The following H3-7 variants were observed in gnomAD, a reference collection of about 807,000 sequenced individuals.
The protein encoded by H3-7 is H3.7 histone (putative).
At chr1:143,905,947 G>A in the H3-7 span, 3 of 1,580,100 alleles carry the variant, frequency 1.9e-6, no homozygotes, top group Non-Finnish European at 2.6e-6. Context: ...CTTGCGGGCA[G>A]TCTGCTTAGT....
At chr1:143,904,674 G>A in the H3-7 span, 8 of 1,486,294 alleles carry the variant, frequency 5.4e-6, no homozygotes, top group African/African-American at 6.9e-5. Context: ...CTGGTTATGC[G>A]CTACTTATAG....
At chr1:143,905,892 C>T in the H3-7 span, 17 of 1,580,096 alleles carry the variant, frequency 1.1e-5, 2 homozygotes, top group African/African-American at 1.2e-4. Context: ...TCTTGCGGGC[C>T]GCTTTGGTAG....
At chr1:143,904,437 G>C in the H3-7 span, 4 of 1,583,838 alleles carry the variant, frequency 2.5e-6, no homozygotes, top group East Asian at 2.3e-5. Context: ...GGTCTTGGAC[G>C]AGATGCCGGT....
the H3-7 span, chr1:143,905,792 T>C: frequency 7.6e-6 from 12 of 1,582,066 alleles, 1 homozygote; most frequent in African/African-American, 1.3e-5. Flanking sequence ...AGCAGCTCCG[T>C]AGACTTCTGA....
the H3-7 span, among the ~76,000 whole-genome samples, chr1:143,903,141 G>C: frequency 4.3e-5 from 6 of 140,764 alleles, 1 homozygote; most frequent in South Asian, 7.2e-4. Context: ...GCAGTGAGCC[G>C]AGATCCCGCC....
the H3-7 span, chr1:143,905,926 C>T: frequency 7.6e-6 from 12 of 1,580,100 alleles, no homozygotes; most frequent in East Asian, 2.3e-4. Flanking sequence ...CGGGGCCTTG[C>T]CGCCGGTCGA....
the H3-7 span, chr1:143,905,651 C>G: frequency 6.3e-7 from 1 of 1,582,948 alleles, no homozygotes; most frequent in Non-Finnish European, 8.7e-7. Flanking sequence ...TTCGTGTCTT[C>G]GAACAGCCCC....
the H3-7 span, chr1:143,905,648 C>A: frequency 6.3e-7 from 1 of 1,582,830 alleles, no homozygotes; most frequent in Admixed American, 1.7e-5. Context: ...AGGTTCGTGT[C>A]TTCGAACAGC....
At chr1:143,905,617 C>G in the H3-7 span, 1 of 1,582,652 alleles carries the variant, frequency 6.3e-7, no homozygotes, top group Non-Finnish European at 8.7e-7. Flanking sequence ...GATGGTCACG[C>G]GCTTGGCATG....
the H3-7 span, chr1:143,905,875 G>C: frequency 6.3e-7 from 1 of 1,580,570 alleles, no homozygotes; most frequent in East Asian, 2.3e-5. Flanking sequence ...GCCCGTGGCC[G>C]GCGCGCTCTT....
the H3-7 span, chr1:143,904,687 C>T: frequency 4.2e-6 from 6 of 1,431,342 alleles, no homozygotes; most frequent in Non-Finnish European, 5.8e-6. Context: ...ACTTATAGAG[C>T]CTGTATGCAA....
chr1:143,905,689 A>G, the H3-7 span: 6 of 1,582,854 alleles, frequency 3.8e-6, no homozygotes, highest in Admixed American at 1.7e-5. Flanking sequence ...GGCCTCCTGC[A>G]GCGCCATCAC....
At chr1:143,903,162 G>A in the H3-7 span, among the ~76,000 whole-genome samples, 4 of 141,274 alleles carry the variant, frequency 2.8e-5, no homozygotes, top group African/African-American at 7.8e-5. Context: ...AGTGCACTCC[G>A]GCCTGGGCGA....
At chr1:143,905,706 G>T in the H3-7 span, 2 of 1,582,548 alleles carry the variant, frequency 1.3e-6, no homozygotes. Context: ...TCACGGCCGA[G>T]CTCTGGAAGC....
chr1:143,905,534 A>C, the H3-7 span: 1 of 1,526,296 alleles, frequency 6.6e-7, no homozygotes, highest in Admixed American at 1.7e-5. Context: ...GAGCCTTTAG[A>C]TCGACCACTT....
the H3-7 span, chr1:143,904,583 G>T: frequency 2.5e-6 from 4 of 1,595,498 alleles, no homozygotes; most frequent in African/African-American, 2.7e-5. Flanking sequence ...GAGCAGGAGC[G>T]GATTTCGCTG....
the H3-7 span, chr1:143,904,434 G>A: frequency 6.3e-7 from 1 of 1,583,250 alleles, no homozygotes; most frequent in African/African-American, 1.3e-5. Flanking sequence ...CATGGTCTTG[G>A]ACGAGATGCC....
the H3-7 span, chr1:143,905,644 G>A: frequency 4.4e-6 from 7 of 1,582,754 alleles, no homozygotes; most frequent in East Asian, 2.3e-5. Flanking sequence ...GCACAGGTTC[G>A]TGTCTTCGAA....
the H3-7 span, chr1:143,904,379 C>T: frequency 4.4e-6 from 7 of 1,582,666 alleles, 1 homozygote; most frequent in South Asian, 2.3e-5. Flanking sequence ...ACGCCTCTCC[C>T]GCGATGCGCT....
Sources: allele counts gnomAD v4.1 joint callset (sites outside exome capture counted in the v4.1 genomes callset), GRCh38; gene constraint gnomAD v4.1.1; transcripts MANE v1.5; gene names NCBI Gene and HGNC (gene_info 2026-07-23, HGNC 2026-07-21).